FRMD6: variants seen among roughly 807,000 people sequenced by gnomAD.
FRMD6 encodes the protein FERM domain-containing protein 6.
A neutral mutation model predicts 73.2 loss-of-function variants in FRMD6; 37 were observed. The observed-to-expected ratio is 0.51, with a 90% CI of 0.39 to 0.66. The LOEUF (loss-of-function observed/expected upper bound fraction) is 0.66. Among genes scored for constraint, FRMD6 ranks in the 30% least tolerant of loss-of-function variants. The probability of loss-of-function intolerance (pLI) is 0.00; values close to 1 mark genes in which losing one functional copy is unlikely to be tolerated. For missense variants in FRMD6, 714 were observed against 780.5 expected, an observed-to-expected ratio of 0.91 and a Z score of 1.02; for synonymous variants, 273 against 282.2, an observed-to-expected ratio of 0.97 and a Z score of 0.33.
chr14:51,676,455 TTAAG>T (rs775056494), intron 1 of FRMD6, among the ~76,000 whole-genome samples: 16 of 152,206 alleles, frequency 1.1e-4, no homozygotes, highest in Non-Finnish European at 2.1e-4. Context: ...ATAACATTTT[TTAAG>T]TATGTGGTAC....
chr14:51,606,587 G>A, intron 2 of FRMD6, among the ~76,000 whole-genome samples: 1 of 152,152 alleles, frequency 6.6e-6, no homozygotes, highest in Non-Finnish European at 1.5e-5. Flanking sequence ...AATAGCTCTA[G>A]GATTGAGTGT....
chr14:51,581,530 A>C (rs1888724394), intron 2 of FRMD6, among the ~76,000 whole-genome samples: 1 of 152,220 alleles, frequency 6.6e-6, no homozygotes, highest in African/African-American at 2.4e-5. Context: ...TTATCAGTCA[A>C]GTACCAATTC....
chr14:51,426,287 T>G, the FRMD6 span, among the ~76,000 whole-genome samples: 1 of 152,088 alleles, frequency 6.6e-6, no homozygotes, highest in African/African-American at 2.4e-5. Context: ...CCCCTCCAGA[T>G]CCTCCACCTA....
rs1896064614 is a variant in FRMD6, at chr14:51,698,130, T to TTTC, written c.100-11_100-9dup. 2 of 1,606,394 alleles carry TTTC rather than the reference T, an allele frequency of 1.2e-6. No homozygotes were observed. The highest frequency in any genetic ancestry group is 1.7e-6 in the Non-Finnish European group (2 of 1,174,486). On this transcript the variant is annotated splice_polypyrimidine_tract_variant and intron_variant, in intron 2 of 13. Coordinates refer to ENST00000344768, the MANE Select transcript of FRMD6 (RefSeq NM_001267046.2). ...GAATTGTTATTTTACGTCGTGCCTT[T>TTTC]TTCCCCTACAGGTTAAGATTCTGTG...
intron 2 of FRMD6, among the ~76,000 whole-genome samples, chr14:51,640,973 CT>C (rs894050545): frequency 1.0e-4 from 15 of 148,526 alleles, no homozygotes; most frequent in African/African-American, 2.5e-4. Flanking sequence ...CATAACTTTC[CT>C]TTTTTTTTTC....
At chr14:51,458,027 A>T in the FRMD6 span, among the ~76,000 whole-genome samples, 2 of 152,156 alleles carry the variant, frequency 1.3e-5, no homozygotes, top group African/African-American at 2.4e-5. Flanking sequence ...TAACCTTTTT[A>T]AGGTGCCTTG....
chr14:51,688,536 A>G (rs1343258408), intron 1 of FRMD6, among the ~76,000 whole-genome samples: 1 of 152,206 alleles, frequency 6.6e-6, no homozygotes, highest in Non-Finnish European at 1.5e-5. Context: ...GCTTTGATTT[A>G]TGTGAGTATT....
At chr14:51,526,205 A>G (rs894726808) in intron 1 of FRMD6, among the ~76,000 whole-genome samples, 3 of 152,210 alleles carry the variant, frequency 2.0e-5, no homozygotes, top group African/African-American at 7.2e-5. Flanking sequence ...GCAAGAGAGA[A>G]CAAAGTACTT....
the FRMD6 span, among the ~76,000 whole-genome samples, chr14:51,478,214 T>C: frequency 6.6e-6 from 1 of 152,234 alleles, no homozygotes; most frequent in East Asian, 1.9e-4. Context: ...ATGGCTTCAA[T>C]TGTGTATCTG....
At chr14:51,669,181 A>T (rs540391304) in intron 1 of FRMD6, among the ~76,000 whole-genome samples, 1 of 152,308 alleles carries the variant, frequency 6.6e-6, no homozygotes, top group African/African-American at 2.4e-5. Context: ...GTATCTGGCC[A>T]TGTTTCACTT....
intron 2 of FRMD6, among the ~76,000 whole-genome samples, chr14:51,580,806 A>T (rs1028017975): frequency 6.6e-6 from 1 of 152,222 alleles, no homozygotes; most frequent in Non-Finnish European, 1.5e-5. Flanking sequence ...TTGTAAATGT[A>T]TTTCATTACA....
intron 1 of FRMD6, among the ~76,000 whole-genome samples, chr14:51,526,748 G>A (rs992678626): frequency 2.0e-5 from 3 of 152,084 alleles, no homozygotes; most frequent in Non-Finnish European, 4.4e-5. Flanking sequence ...TTCCACTCAC[G>A]GACCTGTCAC....
the FRMD6 span, among the ~76,000 whole-genome samples, chr14:51,439,048 A>T: frequency 6.6e-6 from 1 of 152,254 alleles, no homozygotes; most frequent in Admixed American, 6.5e-5. Context: ...AAGAAGCGTA[A>T]TGCGGAAGCT....
At chr14:51,698,780 G>A (rs962987673) in intron 3 of FRMD6, among the ~76,000 whole-genome samples, 2 of 151,932 alleles carry the variant, frequency 1.3e-5, no homozygotes, top group African/African-American at 2.4e-5. Flanking sequence ...TCTTTGTGAG[G>A]AGAAGATTTT....
At position 51,639,323 on chromosome 14, in the gene FRMD6, T is replaced by C. The variant is rs1891717653; in HGVS notation, c.-146-50368T>C. ...CGTGGCAGGCGCCTGTAGTCCCAGC[T>C]AATCGGGAGGCTGAGGCAGGAGAAT... is the stretch of plus-strand genomic sequence containing the variant. On this transcript the variant is annotated intron_variant, in intron 2 of 14. Coordinates refer to the FRMD6 transcript ENST00000356218. Among the ~76,000 whole-genome samples, 3 of 151,894 alleles carry C rather than the reference T, an allele frequency of 2.0e-5. No individual in the cohort carries two copies. In the South Asian group the frequency reaches 6.2e-4, roughly 32 times the overall value.
At chr14:51,585,960 T>TATATATATATA (rs369811499) in intron 2 of FRMD6, among the ~76,000 whole-genome samples, 1 of 91,294 alleles carries the variant, frequency 1.1e-5, no homozygotes, top group African/African-American at 3.6e-5. Context: ...TATATATATA[T>TATATATATATA]AACATTTTCT....
At chr14:51,575,714 A>G (rs1888365321) in intron 2 of FRMD6, 1 of 152,154 alleles carries the variant, frequency 6.6e-6, no homozygotes. Flanking sequence ...TTTCAGCTGT[A>G]TTTGAGAATG....
At chr14:51,689,264 A>ATG (rs1283214818) in intron 1 of FRMD6, among the ~76,000 whole-genome samples, 2 of 152,236 alleles carry the variant, frequency 1.3e-5, no homozygotes, top group African/African-American at 4.8e-5. Flanking sequence ...TGAAGAATGA[A>ATG]TGTAATGTAA....
chr14:51,519,839 C>T (rs940622875), intron 1 of FRMD6, among the ~76,000 whole-genome samples: 1 of 152,052 alleles, frequency 6.6e-6, no homozygotes, highest in Non-Finnish European at 1.5e-5. Flanking sequence ...TTAGATAAGC[C>T]CAGGGACTCT....
Sources: gnomAD v4.1 joint callset for allele counts (sites outside exome capture counted in the v4.1 genomes callset) on GRCh38, gnomAD v4.1.1 for gene constraint, MANE v1.5 for transcripts, NCBI Gene and HGNC (gene_info 2026-07-23, HGNC 2026-07-21) for gene names.